The following LINC00237 variants were observed in gnomAD, a reference collection of about 807,000 sequenced individuals.
LINC00237 encodes the protein long intergenic non-protein coding RNA 237.
chr20:21,096,427 A>G (rs1322222918), intron 1 of LINC00237, among the ~76,000 whole-genome samples: 3 of 152,182 alleles, frequency 2.0e-5, no homozygotes, highest in South Asian at 2.1e-4. Flanking sequence ...TTCTACTTGC[A>G]TGCCACTGGC....
intron 2 of LINC00237, chr20:21,092,757 G>C (rs1391906652): frequency 6.6e-6 from 1 of 152,166 alleles, no homozygotes; most frequent in African/African-American, 2.4e-5. Context: ...CAGTCTACAA[G>C]AACAGTGGTG....
At chr20:21,099,792 G>A (rs1250246304) in intron 1 of LINC00237, among the ~76,000 whole-genome samples, 7 of 152,150 alleles carry the variant, frequency 4.6e-5, no homozygotes, top group African/African-American at 1.4e-4. Flanking sequence ...AGAGGACTCC[G>A]GGAGACACTG....
At chr20:21,102,765 T>C (rs1274730176) in intron 1 of LINC00237, among the ~76,000 whole-genome samples, 1 of 151,510 alleles carries the variant, frequency 6.6e-6, no homozygotes, top group Non-Finnish European at 1.5e-5. Flanking sequence ...GGAACAATTG[T>C]CACTCAGTTG....
chr20:21,104,492 G>A (rs369489607), intron 1 of LINC00237, among the ~76,000 whole-genome samples: 3 of 152,356 alleles, frequency 2.0e-5, no homozygotes, highest in African/African-American at 7.2e-5. Context: ...CTTGAGGGGA[G>A]TGGCCTCCTC....
chr20:21,097,121 C>T (rs1287320545), intron 1 of LINC00237, among the ~76,000 whole-genome samples: 1 of 152,176 alleles, frequency 6.6e-6, no homozygotes, highest in African/African-American at 2.4e-5. Context: ...CTCTGAAGAA[C>T]CTGAACTTGC....
chr20:21,100,933 C>A (rs2030922616), intron 1 of LINC00237, among the ~76,000 whole-genome samples: 1 of 152,192 alleles, frequency 6.6e-6, no homozygotes, highest in Non-Finnish European at 1.5e-5. Flanking sequence ...TCGCTAGCGG[C>A]CCCGGCGCAG....
At chr20:21,086,312 G>A (rs1406023935) in intron 3 of LINC00237, among the ~76,000 whole-genome samples, 1 of 151,876 alleles carries the variant, frequency 6.6e-6, no homozygotes, top group Admixed American at 6.6e-5. Context: ...CAATCAAAAT[G>A]TACATTTACA....
chr20:21,091,470 T>C, intron 2 of LINC00237, among the ~76,000 whole-genome samples: 1 of 152,146 alleles, frequency 6.6e-6, no homozygotes, highest in Non-Finnish European at 1.5e-5. Context: ...CCCTGAAAAG[T>C]GGAGCCACAG....
rs117191758 is a variant in LINC00237 at position 21,104,671 on chromosome 20, G to C, written n.88+1600C>G. ...TTTTTTCCTAAGAAGGGTTTTGTGT[G>C]TTCCAAATATCCTGGAATTGCAGTC... On this transcript the variant is annotated intron_variant and non_coding_transcript_variant, in intron 1 of 3. Coordinates refer to ENST00000691244, the Ensembl canonical transcript of LINC00237. 6.1e-3 allele frequency among the ~76,000 whole-genome samples: 922 copies of C among 152,296 alleles called. 6 individuals carry two copies. The highest frequency in any genetic ancestry group is 0.017 in the Middle Eastern group (5 of 292).
intron 1 of LINC00237, among the ~76,000 whole-genome samples, chr20:21,098,696 T>C (rs988845908): frequency 2.0e-5 from 3 of 152,168 alleles, no homozygotes; most frequent in Non-Finnish European, 4.4e-5. Flanking sequence ...GTATAGGAAA[T>C]AGAAAGTAGA....
intron 2 of LINC00237, among the ~76,000 whole-genome samples, chr20:21,092,097 A>C (rs2030800918): frequency 1.3e-5 from 2 of 152,316 alleles, no homozygotes; most frequent in Non-Finnish European, 2.9e-5. Context: ...CAACTCAATT[A>C]AAGAGTCCAT....
At chr20:21,088,868 A>C (rs2030750320) in intron 2 of LINC00237, among the ~76,000 whole-genome samples, 1 of 152,146 alleles carries the variant, frequency 6.6e-6, no homozygotes, top group Admixed American at 6.6e-5. Context: ...AAAAAAATCA[A>C]CATGTTCGGT....
In LINC00237 at chr20:21,092,237, G is replaced by A. The variant is rs115610712; in HGVS notation, n.472+1232C>T. On this transcript the variant is annotated intron_variant and non_coding_transcript_variant, in intron 2 of 3. Transcript: ENST00000691244. ...GGAAGGATTACTCTTGGTTTATTTC[G>A]GGGGGTACTATTGCACGAGAAGCTT... is the stretch of plus-strand genomic sequence containing the variant. Among the ~76,000 whole-genome samples, 1,447 of 152,244 alleles carry A rather than the reference G, an allele frequency of 9.5e-3. 23 individuals carry two copies. Among genetic ancestry groups the A allele is most frequent in the African/African-American group, 0.033 (1,373 of 41,530 alleles).
chr20:21,103,747 C>T (rs1010177337), intron 1 of LINC00237, among the ~76,000 whole-genome samples: 1 of 152,142 alleles, frequency 6.6e-6, no homozygotes, highest in African/African-American at 2.4e-5. Context: ...GCTCTGGAGA[C>T]AGGAAAAGGT....
intron 3 of LINC00237, among the ~76,000 whole-genome samples, chr20:21,087,032 T>C (rs995530660): frequency 7.1e-6 from 1 of 141,566 alleles, no homozygotes. Context: ...CTCTATATAG[T>C]ATATAGAGTA....
chr20:21,090,790 C>T (rs185372390), intron 2 of LINC00237, among the ~76,000 whole-genome samples: 9 of 152,254 alleles, frequency 5.9e-5, no homozygotes, highest in Non-Finnish European at 1.3e-4. Flanking sequence ...CCTCATTACA[C>T]GCCGGATCAA....
chr20:21,093,247 A>C (rs1423864831), intron 2 of LINC00237: 1 of 152,216 alleles, frequency 6.6e-6, no homozygotes, highest in Non-Finnish European at 1.5e-5. Flanking sequence ...TTTGATTGAT[A>C]GACTAAAATA....
At chr20:21,102,715 G>A (rs2030948151) in intron 1 of LINC00237, among the ~76,000 whole-genome samples, 1 of 150,044 alleles carries the variant, frequency 6.7e-6, no homozygotes, top group African/African-American at 2.5e-5. Context: ...AAAAAAAAAG[G>A]AGGGGGAGAG....
chr20:21,092,318 G>T (rs1481541504), intron 2 of LINC00237, among the ~76,000 whole-genome samples: 1 of 152,184 alleles, frequency 6.6e-6, no homozygotes, highest in Non-Finnish European at 1.5e-5. Context: ...CGTATCTGAC[G>T]ATCAAGTCTC....
Sources: gnomAD v4.1 joint callset for allele counts (sites outside exome capture counted in the v4.1 genomes callset) on GRCh38, gnomAD v4.1.1 for gene constraint, MANE v1.5 for transcripts, NCBI Gene and HGNC (gene_info 2026-07-23, HGNC 2026-07-21) for gene names.